STYK1: variants seen among roughly 807,000 people sequenced by gnomAD.
STYK1 encodes tyrosine-protein kinase STYK1.
In STYK1, 46 loss-of-function variants were observed where a neutral mutation model predicts 48.1. The observed-to-expected ratio is 0.96, with a 90% CI of 0.75 to 1.22. The LOEUF (loss-of-function observed/expected upper bound fraction) is 1.22. Ranked by LOEUF, STYK1 falls within the 50% of genes most tolerant of loss-of-function variation. STYK1 has a pLI of 0.00. For missense variants in STYK1, 527 were observed against 521.1 expected, an observed-to-expected ratio of 1.01 and a Z score of -0.11; for synonymous variants, 188 against 189.0, an observed-to-expected ratio of 0.99 and a Z score of 0.04.
intron 1 of STYK1, among the ~76,000 whole-genome samples, chr12:10,648,903 ATAGTTT>A (rs1202286894): frequency 6.6e-6 from 1 of 152,140 alleles, no homozygotes; most frequent in Non-Finnish European, 1.5e-5. Context: ...TATTCCCTAA[ATAGTTT>A]TATTTAAAAA....
At chr12:10,633,871 G>T in intron 4 of STYK1, 119 bp downstream of exon 4, 1 of 1,252,118 alleles carries the variant, frequency 8.0e-7, no homozygotes, top group Non-Finnish European at 1.1e-6. Context: ...GGGAACCCAT[G>T]CCTCTCTCAT....
At chr12:10,669,342 C>T (rs1451098588) in intron 1 of STYK1, among the ~76,000 whole-genome samples, 1 of 152,066 alleles carries the variant, frequency 6.6e-6, no homozygotes, top group Non-Finnish European at 1.5e-5. Context: ...ATTTTTTGTT[C>T]CATCATTAAG....
chr12:10,673,235 G>C (rs965624948), intron 1 of STYK1, among the ~76,000 whole-genome samples: 1 of 152,142 alleles, frequency 6.6e-6, no homozygotes, highest in Non-Finnish European at 1.5e-5. Context: ...TAAATAGCCG[G>C]CCGTGGTGGT....
At chr12:10,634,439 C>A (rs1264546094) in intron 3 of STYK1, 128 bp downstream of exon 3, 1 of 1,039,338 alleles carries the variant, frequency 9.6e-7, no homozygotes, top group Non-Finnish European at 1.5e-6. Flanking sequence ...CCTCTAGTCC[C>A]CATCCTTTTA....
Position 10,631,195 on chromosome 12 carries a change from G to T in STYK1, c.301C>A (p.Pro101Thr), listed in dbSNP as rs760410312. The T allele has an allele frequency of 6.2e-7, 1 of 1,614,230 alleles. No individual in the cohort carries two copies. Among genetic ancestry groups the T allele is most frequent in the Admixed American group, 1.7e-5 (1 of 60,028 alleles). ...SVENFLGATTPALAKLQVPRE... is the reference protein window; with the variant it reads ...SVENFLGATTTALAKLQVPRE... ...GGCACCTGCAGCTTAGCCAGGGCAG[G>T]TGTGGTAGCTCCCAGAAAGTTTTCC... Residue 101 changes from proline (P) to threonine (T), a missense_variant, in exon 5 of 11, where the codon CCT (proline) becomes ACT (threonine). Pro to Thr is a conservative substitution (Grantham distance 38). Transcript: ENST00000075503.
rs577096017 is a variant in STYK1 at position 10,640,267 on chromosome 12, G to C, written c.-194-3071C>G. 2.0e-5 allele frequency among the ~76,000 whole-genome samples: 3 copies of C among 152,264 alleles called. No homozygotes were observed. The South Asian group carries it at 6.2e-4, about 32-fold the overall frequency. ...CTGGCTTAGGAATTAGGGTCTTCAT[G>C]CTGTCTCTCTCAGTGCCCCAGGCTC... is the stretch of plus-strand genomic sequence containing the variant. On this transcript the variant is annotated intron_variant, in intron 1 of 10. Coordinates refer to ENST00000075503, the MANE Select transcript of STYK1 (RefSeq NM_018423.3).
intron 1 of STYK1, among the ~76,000 whole-genome samples, chr12:10,641,500 GCC>G (rs1947544699): frequency 6.6e-6 from 1 of 152,194 alleles, no homozygotes; most frequent in Non-Finnish European, 1.5e-5. Flanking sequence ...AGAGAGGAGG[GCC>G]CAAGCTGAGG....
intron 1 of STYK1, among the ~76,000 whole-genome samples, chr12:10,641,371 C>T (rs1276853555): frequency 1.3e-5 from 2 of 152,202 alleles, no homozygotes; most frequent in East Asian, 3.8e-4. Flanking sequence ...CTGGGTTTTT[C>T]CTTCTAAGAA....
chr12:10,639,497 C>T (rs963595134), intron 1 of STYK1, among the ~76,000 whole-genome samples: 1 of 152,066 alleles, frequency 6.6e-6, no homozygotes. Context: ...TCACTGCAAC[C>T]TCCGTCTCCC....
intron 1 of STYK1, among the ~76,000 whole-genome samples, chr12:10,665,134 A>T (rs535035768): frequency 6.6e-6 from 1 of 152,216 alleles, no homozygotes; most frequent in Non-Finnish European, 1.5e-5. Context: ...TTCAAGAAAG[A>T]ACGCAAACAC....
intron 5 of STYK1, among the ~76,000 whole-genome samples, chr12:10,630,385 C>CAAAAAAAAA (rs35704937): frequency 3.1e-4 from 15 of 48,586 alleles, no homozygotes; most frequent in Non-Finnish European, 3.7e-4. Flanking sequence ...CACTCTGTCT[C>CAAAAAAAAA]AAAAAAAAAA....
At chr12:10,648,042 A>G (rs1358597895) in intron 1 of STYK1, among the ~76,000 whole-genome samples, 1 of 152,196 alleles carries the variant, frequency 6.6e-6, no homozygotes, top group Non-Finnish European at 1.5e-5. Context: ...CTTAGAGATT[A>G]TGATGATTAT....
chr12:10,646,583 G>A (rs1947601993), intron 1 of STYK1, among the ~76,000 whole-genome samples: 1 of 152,204 alleles, frequency 6.6e-6, no homozygotes, highest in African/African-American at 2.4e-5. Flanking sequence ...TGATAGAATA[G>A]AAAATCCCAT....
chr12:10,620,861 A>C (rs148957810), intron 10 of STYK1, among the ~76,000 whole-genome samples: 1 of 152,210 alleles, frequency 6.6e-6, no homozygotes, highest in Non-Finnish European at 1.5e-5. Flanking sequence ...CAAGTACCAG[A>C]GGTTGTGGTA....
intron 1 of STYK1, among the ~76,000 whole-genome samples, chr12:10,640,022 G>A (rs889006607): frequency 6.6e-6 from 1 of 152,182 alleles, no homozygotes; most frequent in African/African-American, 2.4e-5. Context: ...TGTCTTTAAA[G>A]TATATTCTGA....
chr12:10,634,681 T>A lies in STYK1; in HGVS notation c.-63A>T. The stretch of plus-strand genomic sequence containing the variant: ...AGAATGCACACAGCACAGCTGTGAG[T>A]AATTCCTAAGGATTGAGTGGTTTTT... On this transcript the variant is annotated 5_prime_UTR_variant, in exon 3 of 11. Transcript: ENST00000075503. 6.4e-7 allele frequency: 1 copy of A among 1,563,392 alleles called. No homozygotes were observed. The highest frequency in any genetic ancestry group is 8.8e-7 in the Non-Finnish European group (1 of 1,140,642).
At position 10,621,940 on chromosome 12, in the gene STYK1, T is replaced by C. The variant is rs140032147; in HGVS notation, c.1000A>G (p.Ser334Gly). 71 of 1,613,940 alleles carry C rather than the reference T, an allele frequency of 4.4e-5. 1 individual carries two copies. In the African/African-American group the frequency reaches 8.3e-4, roughly 19 times the overall value. ...CTTCTTTGGAGATGCTCTAGGATGC[T>C]GGTAGGAGGGACTTCAGGATACGGT... ...APPYPEVPPT[S>G]ILEHLQRRKI... The change falls in exon 10 of 11, where the codon AGC becomes GGC. Residue 334 changes from serine to glycine, a missense_variant. By Grantham distance (56) the Ser-to-Gly change is moderately conservative (BLOSUM62 0). Transcript: ENST00000075503.
At position 10,631,070 on chromosome 12, in the gene STYK1, C is replaced by G. The variant is rs1172437375; in HGVS notation, c.426G>C (p.Lys142Asn). ...NMNTGDPSKP[K>N]SVILKALKEP... ...CTTTTAAAGCCTTGAGAATAACACT[C>G]TTGGGCTTAGAAGGGTCCCCAGTGT... is the stretch of plus-strand genomic sequence containing the variant. Residue 142 changes from lysine (K) to asparagine (N), a missense_variant, in exon 5 of 11, where the codon AAG becomes AAC. Coordinates refer to ENST00000075503, the MANE Select transcript of STYK1 (RefSeq NM_018423.3). 1 of 1,614,122 alleles carries G rather than the reference C, an allele frequency of 6.2e-7. No individual in the cohort carries two copies. Among genetic ancestry groups the G allele is most frequent in the African/African-American group, 1.3e-5 (1 of 75,026 alleles).
intron 6 of STYK1, 26 bp from the exon 7 acceptor site, chr12:10,627,750 T>A (rs1016770060): frequency 1.3e-6 from 2 of 1,582,164 alleles, no homozygotes; most frequent in Non-Finnish European, 1.7e-6. Flanking sequence ...AAAAAAGCCA[T>A]TATATCAAAA....
Sources: gnomAD v4.1 joint callset for allele counts (sites outside exome capture counted in the v4.1 genomes callset) on GRCh38, gnomAD v4.1.1 for gene constraint, MANE v1.5 for transcripts, NCBI Gene and HGNC (gene_info 2026-07-23, HGNC 2026-07-21) for gene names.